The following PDS5B variants were observed in gnomAD, a reference collection of about 807,000 sequenced individuals.
PDS5B encodes the protein sister chromatid cohesion protein PDS5 homolog B.
A neutral mutation model predicts 184.1 loss-of-function variants in PDS5B; 51 were observed. The observed-to-expected ratio is 0.28, with a 90% CI of 0.22 to 0.35. The LOEUF is 0.35. Ranked by LOEUF, PDS5B falls within the 10% of genes least tolerant of loss-of-function variation. The pLI is 1.00. For missense variants in PDS5B, 1,180 were observed against 1,723.3 expected (o/e 0.68, Z 5.58); for synonymous variants, 566 against 569.2 (o/e 0.99, Z 0.08).
rs554970349 is a variant in PDS5B at position 32,602,103 on chromosome 13, A to T, written c.-20+15510A>T. Reference sequence around the variant, plus strand: ...TTTTTTAAATCCTTGTCTTTTTTTTAAAATTATACTTTAAGTGCTAGGGTA... The same window carrying T: ...TTTTTTAAATCCTTGTCTTTTTTTTTAAATTATACTTTAAGTGCTAGGGTA... On this transcript the variant is annotated intron_variant, in intron 1 of 34. Transcript: ENST00000315596. Among the ~76,000 whole-genome samples the T allele has an allele frequency of 2.1e-3, 320 of 151,220 alleles. 1 individual carries two copies. Among genetic ancestry groups the T allele is most frequent in the Middle Eastern group, 0.014 (4 of 294 alleles).
chr13:32,590,151 C>G (rs1470962281), intron 1 of PDS5B, among the ~76,000 whole-genome samples: 1 of 152,150 alleles, frequency 6.6e-6, no homozygotes, highest in Non-Finnish European at 1.5e-5. Context: ...ATTAAAAATA[C>G]TTGGTTTAGC....
intron 17 of PDS5B, among the ~76,000 whole-genome samples, chr13:32,704,844 T>A (rs1304250758): frequency 6.6e-6 from 1 of 152,242 alleles, no homozygotes; most frequent in East Asian, 1.9e-4. Context: ...TTTTTAGTTA[T>A]GTTTTTATAT....
At chr13:32,712,483 A>G (rs928578790) in intron 19 of PDS5B, among the ~76,000 whole-genome samples, 6 of 152,220 alleles carry the variant, frequency 3.9e-5, no homozygotes, top group Non-Finnish European at 5.9e-5. Flanking sequence ...AGGAAAAATA[A>G]TATAGTTAAG....
Position 32,603,276 on chromosome 13 carries a change from G to T in PDS5B, c.-20+16683G>T, listed in dbSNP as rs139266509. Among the ~76,000 whole-genome samples the T allele has an allele frequency of 1.8e-4, 27 of 152,302 alleles. 1 individual carries two copies. The highest frequency in any genetic ancestry group is 6.3e-4 in the African/African-American group (26 of 41,578). ...CGTCTGGAATTAATTTTTGTGTAAGGTGTAAGGAAGGGATCCAGTTTCAGC... is the reference window on the plus strand; with the variant it reads ...CGTCTGGAATTAATTTTTGTGTAAGTTGTAAGGAAGGGATCCAGTTTCAGC... On this transcript the variant is annotated intron_variant, in intron 1 of 34. Transcript: ENST00000315596.
Position 32,758,649 on chromosome 13 carries a change from A to G in PDS5B, c.3305A>G (p.Asp1102Gly). 1.2e-6 allele frequency: 2 copies of G among 1,613,458 alleles called. No individual in the cohort carries two copies. Among genetic ancestry groups the G allele is most frequent in the Non-Finnish European group, 1.7e-6 (2 of 1,179,570 alleles). The change falls in exon 28 of 35, where the codon GAC (aspartate) becomes GGC (glycine). Residue 1102 changes from aspartate to glycine, a missense_variant. Around this residue, in one of 11 missense-constraint regions of PDS5B, gnomAD observed 465 missense variants for 497.8 expected, o/e 0.93. Transcript: ENST00000315596. Reference sequence around the variant, plus strand: ...CCAGCTCGTTTCTTCACTCAACCTGACAAGGTAGTTACTTTACAATTTGTT... The same window carrying G: ...CCAGCTCGTTTCTTCACTCAACCTGGCAAGGTAGTTACTTTACAATTTGTT... The part of the protein sequence containing the change: ...VLPARFFTQP[D>G]KNFSNTKNYL...
chr13:32,680,021 C>G (rs751222168), intron 10 of PDS5B, among the ~76,000 whole-genome samples: 1 of 152,024 alleles, frequency 6.6e-6, no homozygotes, highest in Non-Finnish European at 1.5e-5. Flanking sequence ...CTGAGAGTGT[C>G]AATGGTAGGT....
chr13:32,598,463 T>A (rs939410774), intron 1 of PDS5B, among the ~76,000 whole-genome samples: 1 of 152,112 alleles, frequency 6.6e-6, no homozygotes, highest in Non-Finnish European at 1.5e-5. Context: ...TTGTAGTTTT[T>A]AAATATTCCA....
intron 31 of PDS5B, among the ~76,000 whole-genome samples, chr13:32,768,499 A>G (rs899370431): frequency 3.3e-5 from 5 of 152,126 alleles, no homozygotes; most frequent in Non-Finnish European, 5.9e-5. Flanking sequence ...AAAGCAAGTA[A>G]GAAATAACAC....
At chr13:32,730,061 G>T (rs917268652) in intron 19 of PDS5B, among the ~76,000 whole-genome samples, 2 of 126,468 alleles carry the variant, frequency 1.6e-5, no homozygotes, top group Non-Finnish European at 3.7e-5. Flanking sequence ...TTTCTTCTAA[G>T]GTTTTTTATG....
intron 3 of PDS5B, among the ~76,000 whole-genome samples, chr13:32,654,398 T>A (rs1305589819): frequency 6.6e-6 from 1 of 152,198 alleles, no homozygotes; most frequent in Non-Finnish European, 1.5e-5. Context: ...AAGTGACTGT[T>A]GTCTTTCCAT....
At position 32,776,884 on chromosome 13, in the gene PDS5B, T is replaced by G. The variant is rs2141055526; in HGVS notation, c.*1832T>G. On this transcript the variant is annotated 3_prime_UTR_variant, in exon 35 of 35. Coordinates refer to ENST00000315596, the MANE Select transcript of PDS5B (RefSeq NM_015032.4). ...GTCTTAATCTCTCCATATTCAACTATTCTTCATTTACAACAATAGTGACAC... is the reference window on the plus strand; with the variant it reads ...GTCTTAATCTCTCCATATTCAACTAGTCTTCATTTACAACAATAGTGACAC... The G allele has an allele frequency of 6.6e-6, 1 of 152,582 alleles. No homozygotes were observed. Among genetic ancestry groups the G allele is most frequent in the African/African-American group, 2.4e-5 (1 of 41,560 alleles). The allele number at this position is 152,582 out of a possible 1,614,324, so 9.5% of individuals were successfully genotyped here.
chr13:32,624,070 C>T (rs2058339314), intron 1 of PDS5B, among the ~76,000 whole-genome samples: 1 of 151,986 alleles, frequency 6.6e-6, no homozygotes, highest in Admixed American at 6.6e-5. Context: ...TGAAATTTTG[C>T]CTTGTATACT....
chr13:32,611,766 C>T (rs1276754267), intron 1 of PDS5B, among the ~76,000 whole-genome samples: 1 of 152,026 alleles, frequency 6.6e-6, no homozygotes, highest in Admixed American at 6.6e-5. Flanking sequence ...ATCTCAGCCT[C>T]CCAAAGTGCT....
At chr13:32,733,005 G>T (rs1446412368) in intron 20 of PDS5B, among the ~76,000 whole-genome samples, 2 of 152,238 alleles carry the variant, frequency 1.3e-5, no homozygotes, top group East Asian at 3.9e-4. Flanking sequence ...AAGAAAAGTA[G>T]TATATCCTCC....
intron 13 of PDS5B, among the ~76,000 whole-genome samples, chr13:32,691,633 A>G (rs1005987387): frequency 6.6e-6 from 1 of 152,020 alleles, no homozygotes; most frequent in Non-Finnish European, 1.5e-5. Context: ...TAGTTACTTC[A>G]TTTGTCCGGA....
intron 6 of PDS5B, among the ~76,000 whole-genome samples, chr13:32,661,253 A>G (rs1040597591): frequency 4.0e-5 from 6 of 151,784 alleles, no homozygotes; most frequent in Non-Finnish European, 8.8e-5. Flanking sequence ...GCGTGGCAGC[A>G]TGCGCTTATA....
rs867305736 is a variant in PDS5B, at chr13:32,629,293, G to A, written c.-19-19461G>A. Among the ~76,000 whole-genome samples, 6 of 151,318 alleles carry A rather than the reference G, an allele frequency of 4.0e-5. No homozygotes were observed. In the South Asian group the frequency reaches 1.2e-3, roughly 32 times the overall value. On this transcript the variant is annotated intron_variant, in intron 1 of 34. Transcript: ENST00000315596. ...TTTTAACCTTTTCTTTTTTTTCTAG[G>A]TCAAACCAGACATTGAGATCACTGG...
intron 1 of PDS5B, among the ~76,000 whole-genome samples, chr13:32,633,698 T>C (rs1447521753): frequency 1.3e-5 from 2 of 152,232 alleles, no homozygotes; most frequent in Admixed American, 1.3e-4. Context: ...GACATCCTAA[T>C]TTTTCTTATA....
chr13:32,594,003 A>G (rs1045883756), intron 1 of PDS5B, among the ~76,000 whole-genome samples: 2 of 152,252 alleles, frequency 1.3e-5, no homozygotes, highest in African/African-American at 4.8e-5. Flanking sequence ...CCCAACACAA[A>G]TAAATGATAA....
Sources: allele counts gnomAD v4.1 joint callset (sites outside exome capture counted in the v4.1 genomes callset), GRCh38; gene constraint gnomAD v4.1.1; regional missense constraint gnomAD v4.1.1; transcripts MANE v1.5; gene names NCBI Gene and HGNC (gene_info 2026-07-23, HGNC 2026-07-21).